LMNB1: variants seen among roughly 807,000 people sequenced by gnomAD.
LMNB1 encodes the protein lamin B1, also known as lamin-B1.
A neutral mutation model predicts 67.1 loss-of-function variants in LMNB1; 23 were observed. The ratio of observed to expected loss-of-function variants is 0.34; its 90% CI spans 0.25 to 0.49. The LOEUF (loss-of-function observed/expected upper bound fraction) is 0.49. Ranked by LOEUF, LMNB1 falls within the 20% of genes least tolerant of loss-of-function variation. The pLI, the probability that LMNB1 is intolerant of heterozygous loss-of-function variation, is 0.99. For synonymous variants in LMNB1, 281 were observed against 282.9 expected (o/e 0.99, Z 0.07); for missense variants, 634 against 746.5 (o/e 0.85, Z 1.76).
chr5:126,835,867 C>T (rs2126744712), intron 10 of LMNB1, among the ~76,000 whole-genome samples: 1 of 152,246 alleles, frequency 6.6e-6, no homozygotes, highest in Non-Finnish European at 1.5e-5. Flanking sequence ...GCAGGTGGAT[C>T]ACTTGAGGCC....
chr5:126,800,972 TATATATATAA>T (rs1561742494), intron 1 of LMNB1, among the ~76,000 whole-genome samples: 35 of 71,450 alleles, frequency 4.9e-4, no homozygotes, highest in African/African-American at 1.2e-3. Flanking sequence ...TATATATATA[TATATATATAA>T]TTTTTTTTTT....
At chr5:126,818,374 G>T (rs919859626) in intron 5 of LMNB1, among the ~76,000 whole-genome samples, 9 of 151,946 alleles carry the variant, frequency 5.9e-5, no homozygotes, top group African/African-American at 2.2e-4. Flanking sequence ...AAGTAGCTGG[G>T]ATTACAGGCG....
rs367752648 is a variant in LMNB1, at chr5:126,780,478, T to C, written c.359+2611T>C. Among the ~76,000 whole-genome samples the C allele has an allele frequency of 2.6e-5, 4 of 152,326 alleles. No individual in the cohort carries two copies. The South Asian group carries it at 6.2e-4, about 24-fold the overall frequency. On this transcript the variant is annotated intron_variant, in intron 1 of 10. Transcript: ENST00000261366. ...AGTTGTAAATGTATCGATTCTAAAA[T>C]GCATGCTGGTTTCAGCGGGGTTAAA...
At chr5:126,784,278 C>T (rs1179560793) in intron 1 of LMNB1, among the ~76,000 whole-genome samples, 3 of 152,052 alleles carry the variant, frequency 2.0e-5, no homozygotes, top group African/African-American at 4.8e-5. Flanking sequence ...ATCCGCCCGC[C>T]TTGGCCTCCC....
At chr5:126,836,191 G>A (rs770554371) in intron 10 of LMNB1, 32 bp from the exon 11 acceptor site, 2 of 1,533,422 alleles carry the variant, frequency 1.3e-6, no homozygotes, top group Non-Finnish European at 1.8e-6. Flanking sequence ...TATTTCTTTA[G>A]TATTAATTTT....
chr5:126,796,730 A>G (rs894618358), intron 1 of LMNB1, among the ~76,000 whole-genome samples: 2 of 151,576 alleles, frequency 1.3e-5, no homozygotes, highest in African/African-American at 4.8e-5. Context: ...GAATGTTAGC[A>G]GGAATATAAA....
chr5:126,793,397 C>T (rs1003704998), intron 1 of LMNB1, among the ~76,000 whole-genome samples: 3 of 151,998 alleles, frequency 2.0e-5, no homozygotes, highest in African/African-American at 7.2e-5. Context: ...TAATTTTACC[C>T]GAGTTTCAAC....
chr5:126,815,866 T>C (rs1050930170), intron 5 of LMNB1, among the ~76,000 whole-genome samples: 1 of 152,224 alleles, frequency 6.6e-6, no homozygotes, highest in African/African-American at 2.4e-5. Context: ...AGAGTAACTT[T>C]AAAATTTTTA....
At chr5:126,784,295 C>T (rs149167520) in intron 1 of LMNB1, among the ~76,000 whole-genome samples, 61 of 151,854 alleles carry the variant, frequency 4.0e-4, no homozygotes, top group African/African-American at 1.3e-3. Context: ...TCCCAAAGTG[C>T]GGGGATTACA....
At chr5:126,778,986 G>C (rs1374589648) in intron 1 of LMNB1, among the ~76,000 whole-genome samples, 1 of 152,186 alleles carries the variant, frequency 6.6e-6, no homozygotes, top group East Asian at 1.9e-4. Context: ...AACAAGTGTT[G>C]ATGTCATGCT....
chr5:126,786,893 G>A lies in LMNB1; in HGVS notation c.359+9026G>A, dbSNP rs573201791. 1.1e-4 allele frequency among the ~76,000 whole-genome samples: 17 copies of A among 152,242 alleles called. 2 individuals carry two copies. The South Asian group carries it at 3.3e-3, about 30-fold the overall frequency. On this transcript the variant is annotated intron_variant, in intron 1 of 10. Transcript: ENST00000261366. ...TGAAGATGAATTACTGAAAGAGATC[G>A]CTTTTATCTTTTTTCTCTTCTTAAA... is the stretch of plus-strand genomic sequence containing the variant.
chr5:126,830,505 A>G (rs1045219734), intron 9 of LMNB1, among the ~76,000 whole-genome samples: 3 of 152,096 alleles, frequency 2.0e-5, no homozygotes, highest in Admixed American at 6.5e-5. Flanking sequence ...CCCATTTTTT[A>G]TACGGCTTTC....
intron 1 of LMNB1, among the ~76,000 whole-genome samples, chr5:126,783,543 G>GT (rs2112921031): frequency 6.6e-6 from 1 of 152,208 alleles, no homozygotes; most frequent in South Asian, 2.1e-4. Context: ...CAGGTCCCAA[G>GT]TAATTAAACT....
chr5:126,815,859 G>T (rs571895372), intron 5 of LMNB1, among the ~76,000 whole-genome samples: 100 of 152,278 alleles, frequency 6.6e-4, no homozygotes, highest in Admixed American at 6.5e-3. Context: ...ATGATTCAGA[G>T]TAACTTTAAA....
intron 1 of LMNB1, among the ~76,000 whole-genome samples, chr5:126,790,961 C>T (rs1750938945): frequency 6.6e-6 from 1 of 151,998 alleles, no homozygotes; most frequent in African/African-American, 2.4e-5. Flanking sequence ...GTGGAGGTTG[C>T]AATGAGCCCA....
At chr5:126,782,343 A>G (rs1053759505) in intron 1 of LMNB1, among the ~76,000 whole-genome samples, 6 of 152,190 alleles carry the variant, frequency 3.9e-5, no homozygotes, top group Non-Finnish European at 8.8e-5. Context: ...TGACACCCCC[A>G]GTGGGGTTTA....
intron 1 of LMNB1, among the ~76,000 whole-genome samples, chr5:126,798,762 A>AGTGT (rs71665643): frequency 0.11 from 16,262 of 149,108 alleles, 912 homozygotes; most frequent in Middle Eastern, 0.18. Context: ...AAAAAAGAGA[A>AGTGT]GTGTGTGTGT....
Position 126,805,568 on chromosome 5 carries a change from T to C in LMNB1, c.517-3T>C. On this transcript the variant is annotated splice_polypyrimidine_tract_variant and splice_region_variant and intron_variant, in intron 2 of 10. Transcript: ENST00000261366. ...TTATCACAATTCTTTTTCCTTGTAATAGTTGGAAGCCTCCTTAGCTGCAGC... is the reference window on the plus strand; with the variant it reads ...TTATCACAATTCTTTTTCCTTGTAACAGTTGGAAGCCTCCTTAGCTGCAGC... 2 of 1,590,096 alleles carry C rather than the reference T, an allele frequency of 1.3e-6. No individual in the cohort carries two copies. Among genetic ancestry groups the C allele is most frequent in the Non-Finnish European group, 1.7e-6 (2 of 1,162,704 alleles).
intron 5 of LMNB1, among the ~76,000 whole-genome samples, chr5:126,816,032 G>T (rs1365143956): frequency 6.6e-6 from 1 of 151,556 alleles, no homozygotes; most frequent in African/African-American, 2.4e-5. Flanking sequence ...CTACCTTTTT[G>T]CCCATTCAAA....
Sources: allele counts gnomAD v4.1 joint callset (sites outside exome capture counted in the v4.1 genomes callset), GRCh38; gene constraint gnomAD v4.1.1; transcripts MANE v1.5; gene names NCBI Gene and HGNC (gene_info 2026-07-23, HGNC 2026-07-21).